The following CSMD2 variants were observed in gnomAD, a reference collection of about 807,000 sequenced individuals.
CSMD2 encodes CUB and Sushi multiple domains 2.
CSMD2 carries 130 observed loss-of-function variants against 398.5 expected under a neutral mutation model. The observed-to-expected ratio is 0.33, with a 90% confidence interval of 0.28 to 0.38. The LOEUF (loss-of-function observed/expected upper bound fraction) is 0.38, where lower values mean the gene tolerates loss of function less well. CSMD2 is among the 10% of genes least tolerant of loss of function. CSMD2 has a pLI of 1.00. For synonymous variants in CSMD2, 1,828 were observed against 1,908.5 expected, an observed-to-expected ratio of 0.96 and a Z score of 1.10; for missense variants, 3,829 against 4,764.9, an observed-to-expected ratio of 0.80 and a Z score of 5.78.
At chr1:33,943,540 C>T (rs114871476) in intron 3 of CSMD2, among the ~76,000 whole-genome samples, 2,225 of 152,286 alleles carry the variant, frequency 0.015, 69 homozygotes, top group African/African-American at 0.051. Context: ...CAGGCTCCCT[C>T]TGTTCATTTT....
intron 25 of CSMD2, among the ~76,000 whole-genome samples, chr1:33,688,684 C>T (rs115855383): frequency 2.2e-4 from 34 of 152,106 alleles, no homozygotes; most frequent in Non-Finnish European, 3.7e-4. Context: ...GGCGTGATGG[C>T]GCTTGCCTGT....
chr1:34,098,597 A>G (rs529600261), intron 1 of CSMD2, among the ~76,000 whole-genome samples: 1 of 152,090 alleles, frequency 6.6e-6, no homozygotes, highest in Admixed American at 6.5e-5. Flanking sequence ...CAGGTAGGAC[A>G]TGAAATGGTA....
At chr1:33,979,580 C>G (rs1443366497) in intron 3 of CSMD2, among the ~76,000 whole-genome samples, 1 of 152,172 alleles carries the variant, frequency 6.6e-6, no homozygotes, top group African/African-American at 2.4e-5. Flanking sequence ...ACAAGAGACC[C>G]TTTCTGGCTT....
intron 5 of CSMD2, among the ~76,000 whole-genome samples, chr1:33,888,250 A>C (rs1252465288): frequency 6.6e-6 from 1 of 152,186 alleles, no homozygotes; most frequent in African/African-American, 2.4e-5. Flanking sequence ...TTTGGGGGAA[A>C]TCTGAAAAAT....
intron 55 of CSMD2, among the ~76,000 whole-genome samples, chr1:33,552,023 A>G (rs923825859): frequency 1.3e-5 from 2 of 152,188 alleles, no homozygotes; most frequent in African/African-American, 4.8e-5. Flanking sequence ...CCTGAGCCAC[A>G]ACAGCCAATA....
intron 13 of CSMD2, among the ~76,000 whole-genome samples, chr1:33,766,097 TCC>T (rs1650448829): frequency 6.6e-6 from 1 of 152,050 alleles, no homozygotes; most frequent in African/African-American, 2.4e-5. Flanking sequence ...TAAACCCACC[TCC>T]CTTCTTCATT....
Position 33,844,287 on chromosome 1 carries a change from TG to T in CSMD2, c.1033+2596del, listed in dbSNP as rs397719711. ...TTTGGTTGTCATGACTGTGTGTGTG[TG>T]GGGGGGCGCTGCTAATGGCTGCTGG... On this transcript the variant is annotated intron_variant, in intron 6 of 70. Transcript: ENST00000373381. 6.3e-3 allele frequency among the ~76,000 whole-genome samples: 955 copies of T among 151,702 alleles called. 4 individuals are homozygous for T. The highest frequency in any genetic ancestry group is 0.021 in the African/African-American group (888 of 41,332).
intron 38 of CSMD2, 151 bp downstream of exon 38, chr1:33,617,348 T>C (rs1570959232): frequency 1.6e-6 from 1 of 627,934 alleles, no homozygotes; most frequent in African/African-American, 1.8e-5. Context: ...GTTTATCTTT[T>C]GCATGAACAG....
chr1:33,527,940 C>CAA (rs61088318), intron 64 of CSMD2, among the ~76,000 whole-genome samples: 82 of 108,366 alleles, frequency 7.6e-4, no homozygotes, highest in East Asian at 1.6e-3. Context: ...GACTCTGTCT[C>CAA]AAAAAAAAAA....
chr1:34,021,189 T>C (rs972277578), intron 3 of CSMD2, among the ~76,000 whole-genome samples: 2 of 152,196 alleles, frequency 1.3e-5, no homozygotes, highest in African/African-American at 4.8e-5. Context: ...AATTTGACAC[T>C]TCTGTTTGGA....
intron 25 of CSMD2, among the ~76,000 whole-genome samples, chr1:33,664,683 G>C (rs1431092528): frequency 6.6e-6 from 1 of 151,900 alleles, no homozygotes; most frequent in Admixed American, 6.6e-5. Context: ...GGCGCCTGTA[G>C]TCCCAGCTAC....
intron 1 of CSMD2, among the ~76,000 whole-genome samples, chr1:34,137,447 G>C (rs1169203658): frequency 5.9e-5 from 9 of 152,080 alleles, no homozygotes. Context: ...GCTGGTCTCT[G>C]ACCAGCTGGG....
Position 33,567,792 on chromosome 1 carries a change from T to A in CSMD2, c.8181A>T (p.Val2727=). 1 of 1,611,700 alleles carries A rather than the reference T, an allele frequency of 6.2e-7. No homozygotes were observed. ...HSIFYKLLFD[V]LSSPSLTKAG... ...CTTTGGTGAGGGATGGGGAAGAGAG[T>A]ACATCGAAGAGGAGCTTATAGAAAA... The change falls in exon 53 of 71, where the codon GTA becomes GTT. Residue 2727 remains valine, a synonymous_variant. Transcript: ENST00000373381.
At chr1:33,548,108 A>C (rs578177452) in intron 56 of CSMD2, among the ~76,000 whole-genome samples, 44 of 152,298 alleles carry the variant, frequency 2.9e-4, no homozygotes, top group African/African-American at 9.4e-4. Context: ...CATGATTGTA[A>C]GTTTCCTGAG....
chr1:33,812,378 A>G (rs11587451), intron 9 of CSMD2, among the ~76,000 whole-genome samples: 21,837 of 152,212 alleles, frequency 0.14, 1,663 homozygotes, highest in East Asian at 0.26. Flanking sequence ...GTAGTCCTGC[A>G]CTGGAAGGAT....
intron 1 of CSMD2, among the ~76,000 whole-genome samples, chr1:34,098,365 TA>T (rs1269125808): frequency 6.8e-6 from 1 of 147,104 alleles, no homozygotes; most frequent in Non-Finnish European, 1.5e-5. Flanking sequence ...TATACGTATG[TA>T]ACTAACCTGC....
intron 22 of CSMD2, among the ~76,000 whole-genome samples, chr1:33,708,753 C>T (rs1301282052): frequency 1.3e-5 from 2 of 152,040 alleles, no homozygotes; most frequent in South Asian, 2.1e-4. Flanking sequence ...AGGCATGCAC[C>T]ACCACACCCA....
At chr1:33,895,585 G>A (rs1278407769) in intron 5 of CSMD2, among the ~76,000 whole-genome samples, 3 of 152,182 alleles carry the variant, frequency 2.0e-5, no homozygotes, top group Non-Finnish European at 2.9e-5. Context: ...CTGGGGAAGC[G>A]CGGCTTGAGG....
intron 42 of CSMD2, among the ~76,000 whole-genome samples, chr1:33,602,809 T>C (rs573537313): frequency 2.0e-5 from 3 of 152,320 alleles, no homozygotes; most frequent in South Asian, 2.1e-4. Context: ...CTCTTTCTTA[T>C]GAAGAGAACT....
Sources: allele counts gnomAD v4.1 joint callset (sites outside exome capture counted in the v4.1 genomes callset), GRCh38; gene constraint gnomAD v4.1.1; transcripts MANE v1.5; gene names NCBI Gene and HGNC (gene_info 2026-07-23, HGNC 2026-07-21).